PROX1: variants seen among roughly 807,000 people sequenced by gnomAD.
PROX1 encodes the protein prospero homeobox protein 1.
PROX1 carries 7 observed loss-of-function variants against 58.8 expected under a neutral mutation model. The observed-to-expected ratio is 0.12, with a 90% CI of 0.07 to 0.22. PROX1 has a LOEUF of 0.22. Ranked by LOEUF, PROX1 falls within the 10% of genes least tolerant of loss-of-function variation. The probability of loss-of-function intolerance (pLI) is 1.00; values close to 1 mark genes in which losing one functional copy is unlikely to be tolerated. For synonymous variants in PROX1, 350 were observed against 358.3 expected (o/e 0.98, Z 0.26); for missense variants, 675 against 927.8 (o/e 0.73, Z 3.54).
chr1:214,029,988 G>A (rs1455665360), intron 4 of PROX1: 1 of 152,600 alleles, frequency 6.6e-6, no homozygotes, highest in Admixed American at 6.5e-5. Context: ...GCTGATGCAT[G>A]TGATGTTAGG....
intron 2 of PROX1, among the ~76,000 whole-genome samples, chr1:214,003,536 T>C (rs1253808201): frequency 6.6e-6 from 1 of 152,222 alleles, no homozygotes; most frequent in African/African-American, 2.4e-5. Context: ...GTCTTTGTAA[T>C]CATTAAGGAT....
At chr1:213,989,185 C>T (rs1226534760) in intron 1 of PROX1, among the ~76,000 whole-genome samples, 1 of 152,020 alleles carries the variant, frequency 6.6e-6, no homozygotes, top group Non-Finnish European at 1.5e-5. Context: ...ACTTTCGTCT[C>T]AAAACGCTGT....
At chr1:213,984,306 A>G (rs1302966387), upstream of PROX1, 1 of 152,126 alleles carries the variant, frequency 6.6e-6, no homozygotes, top group Non-Finnish European at 1.5e-5. Flanking sequence ...TGCGCTCCTT[A>G]AAGCAATGTG....
rs1297017862 is a variant in PROX1 at position 214,036,437 on chromosome 1, T to A, written c.*603T>A. On this transcript the variant is annotated 3_prime_UTR_variant, in exon 5 of 5. Transcript: ENST00000366958. ...CAAATTAAAAAAGAAAAATAATCAC[T>A]CTCAAGCCTTGTCTAAGAAAAGAGG... is the stretch of plus-strand genomic sequence containing the variant. The A allele has an allele frequency of 6.6e-6, 1 of 152,088 alleles. No individual in the cohort carries two copies. The highest frequency in any genetic ancestry group is 1.5e-5 in the Non-Finnish European group (1 of 68,012). 9.4% of individuals were successfully genotyped at this position (152,088 alleles called of 1,614,324 possible). A position where few individuals can be genotyped will look rare whatever the true frequency, so the allele number is the denominator to read the frequency against.
At chr1:213,999,541 T>C (rs549917631) in intron 2 of PROX1, among the ~76,000 whole-genome samples, 97 of 152,262 alleles carry the variant, frequency 6.4e-4, no homozygotes, top group African/African-American at 2.2e-3. Context: ...CTCAGGATAA[T>C]AGTGTAGATT....
At chr1:214,001,021 T>C (rs1663491815) in intron 2 of PROX1, among the ~76,000 whole-genome samples, 1 of 152,200 alleles carries the variant, frequency 6.6e-6, no homozygotes, top group Non-Finnish European at 1.5e-5. Flanking sequence ...ATTGCTATTA[T>C]TATGTTTTAA....
At chr1:214,034,530 T>C (rs1325418118) in intron 4 of PROX1, among the ~76,000 whole-genome samples, 41 of 152,228 alleles carry the variant, frequency 2.7e-4, no homozygotes, top group Admixed American at 2.7e-3. Flanking sequence ...CATGAGTTCA[T>C]GGATTATTCT....
At chr1:213,994,729 T>C (rs1264164452) in intron 1 of PROX1, among the ~76,000 whole-genome samples, 1 of 134,244 alleles carries the variant, frequency 7.4e-6, no homozygotes. Context: ...ATGCAAAAAG[T>C]ATTTCATTCT....
chr1:214,004,106 A>C (rs992789857), intron 2 of PROX1, among the ~76,000 whole-genome samples: 1 of 152,220 alleles, frequency 6.6e-6, no homozygotes, highest in Non-Finnish European at 1.5e-5. Context: ...GTGGGGGACC[A>C]CATTGATTTT....
chr1:213,988,958 C>T (rs1449311890), intron 1 of PROX1, among the ~76,000 whole-genome samples: 2 of 152,006 alleles, frequency 1.3e-5, no homozygotes, highest in African/African-American at 4.8e-5. Context: ...TGGAGATCCC[C>T]GCTTTCCGCC....
Position 213,997,552 on chromosome 1 carries a change from C to T in PROX1, c.1017C>T (p.Asn339=). The T allele has an allele frequency of 6.2e-7, 1 of 1,614,058 alleles. No homozygotes were observed. Among genetic ancestry groups the T allele is most frequent in the Non-Finnish European group, 8.5e-7 (1 of 1,179,956 alleles). ...ACAAAGAAAGAGACCATGGGCCAAA[C>T]TCCTTACAACCGGAAGGCAAACATT... ...GNNKERDHGP[N]SLQPEGKHLA... is the part of the protein sequence containing the mutation. Residue 339 remains asparagine (N), a synonymous_variant, in exon 2 of 5, where the codon AAC becomes AAT. Coordinates refer to ENST00000366958, the MANE Select transcript of PROX1 (RefSeq NM_001270616.2). The surrounding 1 kb of genome is among the most constrained non-coding windows in gnomAD (Gnocchi z 7.1).
chr1:213,996,781 T>C lies in PROX1; in HGVS notation c.246T>C (p.Asp82=). 1.2e-6 allele frequency: 2 copies of C among 1,614,166 alleles called. No homozygotes were observed. The highest frequency in any genetic ancestry group is 1.7e-6 in the Non-Finnish European group (2 of 1,180,030). Residue 82 remains aspartate (D), a synonymous_variant, in exon 2 of 5, where the codon GAT becomes GAC. Transcript: ENST00000366958. ...KLLKRANSYE[D]AMMPFPGATI... is the part of the protein sequence containing the mutation. ...TGAAGAGGGCGAACTCGTATGAAGA[T>C]GCCATGATGCCTTTTCCAGGAGCAA...
chr1:214,029,757 G>A (rs1379348274), intron 4 of PROX1: 1 of 152,130 alleles, frequency 6.6e-6, no homozygotes, highest in African/African-American at 2.4e-5. Flanking sequence ...TGACTTGGAG[G>A]CATCTGGGGC....
chr1:214,032,662 AG>A (rs1664698569), intron 4 of PROX1, among the ~76,000 whole-genome samples: 1 of 152,146 alleles, frequency 6.6e-6, no homozygotes, highest in Non-Finnish European at 1.5e-5. Flanking sequence ...GCCACTCTAG[AG>A]CAATATGGAG....
intron 4 of PROX1, among the ~76,000 whole-genome samples, chr1:214,024,945 A>G (rs1224430201): frequency 6.6e-6 from 1 of 152,178 alleles, no homozygotes; most frequent in Admixed American, 6.5e-5. Context: ...TCAGACACCA[A>G]TGGCACCAAA....
chr1:214,020,801 T>C (rs1212933556), intron 4 of PROX1, among the ~76,000 whole-genome samples: 2 of 152,178 alleles, frequency 1.3e-5, no homozygotes, highest in Non-Finnish European at 2.9e-5. Context: ...AGTTTTCAGG[T>C]GTAGTTAAAG....
chr1:213,997,816 G>T lies in PROX1; in HGVS notation c.1281G>T (p.Val427=), dbSNP rs373721879. 74 of 1,614,116 alleles carry T rather than the reference G, an allele frequency of 4.6e-5. No homozygotes were observed. Among genetic ancestry groups the T allele is most frequent in the Non-Finnish European group, 5.8e-5 (69 of 1,180,052 alleles). Residue 427 remains valine, a synonymous_variant, in exon 2 of 5, where the codon GTG becomes GTT. Transcript: ENST00000366958. The surrounding 1 kb of genome is among the most constrained non-coding windows in gnomAD (Gnocchi z 7.1). Reference sequence around the variant, plus strand: ...ACCCCCTGGACACCTTTGGCAATGTGCAGATGGCCAGTTCCACTGACCAGA... The same window carrying T: ...ACCCCCTGGACACCTTTGGCAATGTTCAGATGGCCAGTTCCACTGACCAGA... ...IPNPLDTFGN[V]QMASSTDQTE...
Position 213,988,014 on chromosome 1 carries a change from G to A in PROX1, c.-537G>A, listed in dbSNP as rs1045573386. ...TGAAATAATACACCATTGCAGCCGG[G>A]GAAAGCAGAGCGGCGCAAAAGAGCT... On this transcript the variant is annotated 5_prime_UTR_variant, in exon 1 of 5. Transcript: ENST00000366958. 1 of 151,606 alleles carries A rather than the reference G, an allele frequency of 6.6e-6. No homozygotes were observed. The highest frequency in any genetic ancestry group is 2.4e-5 in the African/African-American group (1 of 41,260). 9.4% of individuals were successfully genotyped at this position (151,606 alleles called of 1,614,324 possible).
At chr1:214,033,188 A>G (rs890199555) in intron 4 of PROX1, among the ~76,000 whole-genome samples, 3 of 152,086 alleles carry the variant, frequency 2.0e-5, no homozygotes, top group South Asian at 2.1e-4. Flanking sequence ...TCACCCCTCA[A>G]AGCTCTCTGC....
Sources: allele counts gnomAD v4.1 joint callset (sites outside exome capture counted in the v4.1 genomes callset), GRCh38; gene constraint gnomAD v4.1.1; non-coding constraint Gnocchi (gnomAD v3.1); transcripts MANE v1.5; gene names NCBI Gene and HGNC (gene_info 2026-07-23, HGNC 2026-07-21).